The following WDPCP variants were observed in gnomAD, a reference collection of about 807,000 sequenced individuals.
WDPCP encodes WD repeat-containing and planar cell polarity effector protein fritz homolog.
A neutral mutation model predicts 93.1 loss-of-function variants in WDPCP; 71 were observed. That is an observed-to-expected ratio of 0.76 (90% CI 0.63 to 0.93). The LOEUF (loss-of-function observed/expected upper bound fraction) is 0.93, where lower values mean the gene tolerates loss of function less well. Ranked by LOEUF, WDPCP falls within the 40% of genes least tolerant of loss-of-function variation. WDPCP has a pLI of 0.00. For synonymous variants in WDPCP, 315 were observed against 315.0 expected (o/e 1.00, Z 0.00); for missense variants, 844 against 887.4 (o/e 0.95, Z 0.62).
At chr2:63,429,649 C>G (rs758828728) in intron 9 of WDPCP, among the ~76,000 whole-genome samples, 1 of 152,046 alleles carries the variant, frequency 6.6e-6, no homozygotes. Flanking sequence ...CCATCTCACA[C>G]CAGTCAGAAT....
At chr2:63,758,970 G>A (rs776206617) in intron 2 of WDPCP, among the ~76,000 whole-genome samples, 5 of 150,502 alleles carry the variant, frequency 3.3e-5, no homozygotes, top group Non-Finnish European at 7.4e-5. Flanking sequence ...TAGTAGAGAC[G>A]GGGTTTCACC....
At chr2:63,426,538 TC>T (rs1388199186) in intron 9 of WDPCP, among the ~76,000 whole-genome samples, 2 of 152,004 alleles carry the variant, frequency 1.3e-5, no homozygotes, top group Non-Finnish European at 2.9e-5. Flanking sequence ...TTACAAGAGG[TC>T]CTTAAGGGAG....
intron 6 of WDPCP, among the ~76,000 whole-genome samples, chr2:63,459,198 A>C (rs966513382): frequency 1.3e-5 from 2 of 152,212 alleles, no homozygotes; most frequent in Admixed American, 1.3e-4. Context: ...CAGGCAACAA[A>C]AACAAAAATA....
chr2:63,163,255 G>A lies in WDPCP; in HGVS notation c.2079-9681C>T, dbSNP rs952857301. On this transcript the variant is annotated intron_variant, in intron 15 of 17. Transcript: ENST00000272321. ...AAATAGCTATAGAGTCAGTGAAAAC[G>A]TGTAAACATCTTTAGATTGCCAAAT... Among the ~76,000 whole-genome samples, 26 of 152,238 alleles carry A rather than the reference G, an allele frequency of 1.7e-4. No individual in the cohort carries two copies. In the East Asian group the frequency reaches 3.5e-3, roughly 20 times the overall value.
In WDPCP at chr2:63,403,490, TATC is replaced by T. The variant is rs1694310247; in HGVS notation, c.1435+555_1435+557del. Among the ~76,000 whole-genome samples the T allele has an allele frequency of 2.0e-5, 3 of 152,326 alleles. 1 individual carries two copies. The highest frequency in any genetic ancestry group is 7.2e-5 in the African/African-American group (3 of 41,572). On this transcript the variant is annotated intron_variant, in intron 10 of 17. Transcript: ENST00000272321. ...ATATATAATTTTATAGCTATTAACTTATCAACATCTATAAAAATACCTATCCTT... is the reference window on the plus strand; with the variant it reads ...ATATATAATTTTATAGCTATTAACTTAACATCTATAAAAATACCTATCCTT...
At chr2:63,186,813 T>TG (rs1435335446) in intron 14 of WDPCP, among the ~76,000 whole-genome samples, 5 of 146,132 alleles carry the variant, frequency 3.4e-5, no homozygotes, top group Admixed American at 6.8e-5. Flanking sequence ...GTGTGTGTGT[T>TG]TTTTTTTTTT....
At chr2:63,594,244 A>G (rs1709259005) in intron 3 of WDPCP, 1 of 588,248 alleles carries the variant, frequency 1.7e-6, no homozygotes, top group African/African-American at 1.8e-5. Flanking sequence ...AAATATCCCA[A>G]AAAAGGTGGA....
intron 17 of WDPCP, among the ~76,000 whole-genome samples, chr2:63,124,690 A>C (rs1048136648): frequency 1.1e-4 from 16 of 152,198 alleles, no homozygotes; most frequent in Admixed American, 4.6e-4. Context: ...TTGGTTTAAT[A>C]ATAATTAAAT....
intron 12 of WDPCP, among the ~76,000 whole-genome samples, chr2:63,320,552 T>A (rs1687005054): frequency 6.6e-6 from 1 of 152,090 alleles, no homozygotes; most frequent in Admixed American, 6.6e-5. Context: ...AATGAACTGA[T>A]ACAGTTCATT....
At chr2:63,175,372 T>C (rs1434920141) in intron 14 of WDPCP, among the ~76,000 whole-genome samples, 1 of 151,960 alleles carries the variant, frequency 6.6e-6, no homozygotes, top group African/African-American at 2.4e-5. Flanking sequence ...ATAATGAAGC[T>C]GTGAAAAATA....
At chr2:63,295,528 G>T (rs1684775938) in intron 13 of WDPCP, among the ~76,000 whole-genome samples, 1 of 113,802 alleles carries the variant, frequency 8.8e-6, no homozygotes, top group Admixed American at 9.9e-5. Context: ...AATTTAAAAA[G>T]GTTACAAGAG....
At chr2:63,545,990 A>C (rs1705124836) in intron 1 of WDPCP, among the ~76,000 whole-genome samples, 1 of 152,152 alleles carries the variant, frequency 6.6e-6, no homozygotes, top group Non-Finnish European at 1.5e-5. Flanking sequence ...CCTAGAGACC[A>C]ACTGTAACAA....
At chr2:63,378,359 G>A (rs375530671) in intron 12 of WDPCP, 27 bp downstream of exon 12, 18 of 1,611,994 alleles carry the variant, frequency 1.1e-5, no homozygotes, top group African/African-American at 2.7e-5. Context: ...TTAGTCTGAC[G>A]CTAATCAATC....
intron 9 of WDPCP, among the ~76,000 whole-genome samples, chr2:63,408,617 C>T (rs1002744971): frequency 6.6e-6 from 1 of 152,120 alleles, no homozygotes; most frequent in Non-Finnish European, 1.5e-5. Flanking sequence ...GAAGCAAGCC[C>T]TTTTCTTTCA....
chr2:63,157,987 G>A (rs866089303), intron 15 of WDPCP, among the ~76,000 whole-genome samples: 2 of 151,242 alleles, frequency 1.3e-5, no homozygotes, highest in Non-Finnish European at 1.5e-5. Flanking sequence ...TCTCATATAA[G>A]CATTTAATTG....
chr2:63,337,301 C>T (rs985537770), intron 12 of WDPCP, among the ~76,000 whole-genome samples: 4 of 136,246 alleles, frequency 2.9e-5, no homozygotes, highest in Admixed American at 1.6e-4. Context: ...CCATCCACGT[C>T]GTAGCAAGTG....
In WDPCP at chr2:63,121,958, A is replaced by G; in HGVS notation, c.*48T>C. ...GGGGATTTTAAGTCTGTATCAGGCCATGAAAAGTTTAGATATGAAGAAGGC... is the reference window on the plus strand; with the variant it reads ...GGGGATTTTAAGTCTGTATCAGGCCGTGAAAAGTTTAGATATGAAGAAGGC... On this transcript the variant is annotated 3_prime_UTR_variant, in exon 18 of 18. Transcript: ENST00000272321. 3 of 1,611,972 alleles carry G rather than the reference A, an allele frequency of 1.9e-6. No individual in the cohort carries two copies. Among genetic ancestry groups the G allele is most frequent in the Non-Finnish European group, 2.5e-6 (3 of 1,179,372 alleles).
At chr2:63,406,429 G>A (rs183689439) in intron 9 of WDPCP, among the ~76,000 whole-genome samples, 131 of 152,260 alleles carry the variant, frequency 8.6e-4, no homozygotes, top group Non-Finnish European at 1.6e-3. Context: ...CTGGGGGCTA[G>A]GGATATGACA....
intron 12 of WDPCP, among the ~76,000 whole-genome samples, chr2:63,321,142 A>T (rs1310836501): frequency 6.6e-6 from 1 of 152,118 alleles, no homozygotes; most frequent in East Asian, 1.9e-4. Context: ...TATGAAACAA[A>T]AAAAAGGTGA....
Sources: allele counts gnomAD v4.1 joint callset (sites outside exome capture counted in the v4.1 genomes callset), GRCh38; gene constraint gnomAD v4.1.1; transcripts MANE v1.5; gene names NCBI Gene and HGNC (gene_info 2026-07-23, HGNC 2026-07-21).